NRXN3: variants seen among roughly 807,000 people sequenced by gnomAD.
The protein encoded by NRXN3 is neurexin III.
NRXN3 carries 32 observed loss-of-function variants against 137.6 expected under a neutral mutation model. The ratio of observed to expected loss-of-function variants is 0.23; its 90% CI spans 0.18 to 0.31. The LOEUF is 0.31. NRXN3 is among the 10% of genes least tolerant of loss of function. The pLI is 1.00. For missense variants in NRXN3, 1,574 were observed against 2,062.5 expected (o/e 0.76, Z 4.59); for synonymous variants, 798 against 784.5 (o/e 1.02, Z -0.29).
intron 15 of NRXN3, among the ~76,000 whole-genome samples, chr14:79,208,635 G>A (rs2067157060): frequency 6.6e-6 from 1 of 152,026 alleles, no homozygotes; most frequent in African/African-American, 2.4e-5. Flanking sequence ...TGTTTCAGGT[G>A]TTTTACCTAT....
At chr14:78,987,480 C>T (rs1023616353) in intron 14 of NRXN3, among the ~76,000 whole-genome samples, 2 of 152,072 alleles carry the variant, frequency 1.3e-5, no homozygotes, top group African/African-American at 4.8e-5. Flanking sequence ...CAGTACTCGC[C>T]CCCTAAAAAA....
chr14:78,845,385 G>A lies in NRXN3; in HGVS notation c.2275+35041G>A, dbSNP rs145070143. Among the ~76,000 whole-genome samples, 938 of 152,152 alleles carry A rather than the reference G, an allele frequency of 6.2e-3. 7 individuals carry two copies. The highest frequency in any genetic ancestry group is 0.022 in the African/African-American group (898 of 41,556). ...TGAATAACAACGTAATTTAAGGCATGTTGCAAAACATAAACTTTTAATATA... is the reference window on the plus strand; with the variant it reads ...TGAATAACAACGTAATTTAAGGCATATTGCAAAACATAAACTTTTAATATA... On this transcript the variant is annotated intron_variant, in intron 10 of 20. Coordinates refer to ENST00000335750, the MANE Select transcript of NRXN3 (RefSeq NM_001330195.2).
chr14:78,885,681 A>G (rs1567609986), intron 10 of NRXN3, among the ~76,000 whole-genome samples: 1 of 152,126 alleles, frequency 6.6e-6, no homozygotes, highest in Non-Finnish European at 1.5e-5. Flanking sequence ...AAAGCAAAGA[A>G]TCTTGACAGC....
chr14:78,859,481 A>G (rs773242364), intron 10 of NRXN3, among the ~76,000 whole-genome samples: 7 of 152,168 alleles, frequency 4.6e-5, no homozygotes, highest in Non-Finnish European at 8.8e-5. Flanking sequence ...GTTGACCTGT[A>G]TCTTCTTGAT....
chr14:78,559,329 A>C (rs1383089722), intron 4 of NRXN3, among the ~76,000 whole-genome samples: 1 of 152,134 alleles, frequency 6.6e-6, no homozygotes, highest in Non-Finnish European at 1.5e-5. Flanking sequence ...TGTTTATAAG[A>C]TCTTTCATGT....
chr14:78,659,485 C>A (rs1461276682), intron 6 of NRXN3, among the ~76,000 whole-genome samples: 1 of 151,760 alleles, frequency 6.6e-6, no homozygotes, highest in East Asian at 1.9e-4. Flanking sequence ...TGGAGACCAG[C>A]CTGGTAAACT....
chr14:78,611,213 A>G (rs1199792790), intron 4 of NRXN3, among the ~76,000 whole-genome samples: 1 of 152,190 alleles, frequency 6.6e-6, no homozygotes, highest in Non-Finnish European at 1.5e-5. Context: ...AATGGGCAAT[A>G]ACACACCATT....
intron 15 of NRXN3, chr14:79,279,872 G>A (rs2153440235): frequency 9.9e-7 from 1 of 1,013,808 alleles, no homozygotes; most frequent in Non-Finnish European, 1.2e-6. Context: ...TTGGGTTCGG[G>A]CTGCCTCCTT....
intron 15 of NRXN3, among the ~76,000 whole-genome samples, chr14:79,290,772 C>A (rs188001440): frequency 1.4e-4 from 21 of 152,034 alleles, no homozygotes; most frequent in Admixed American, 1.2e-3. Context: ...CATGAGCAAG[C>A]GGTGATAGGC....
At chr14:78,794,169 G>C (rs113156693) in intron 8 of NRXN3, among the ~76,000 whole-genome samples, 2,066 of 152,028 alleles carry the variant, frequency 0.014, 60 homozygotes, top group African/African-American at 0.048. Flanking sequence ...TCACCCGAGA[G>C]GTCAGGAGTT....
intron 15 of NRXN3, among the ~76,000 whole-genome samples, chr14:79,039,315 A>G (rs2099621306): frequency 6.6e-6 from 1 of 152,144 alleles, no homozygotes; most frequent in Non-Finnish European, 1.5e-5. Context: ...CTCTTTCTGT[A>G]TGTTAATGGA....
At chr14:79,620,826 G>A (rs1430821088) in intron 16 of NRXN3, among the ~76,000 whole-genome samples, 1 of 152,098 alleles carries the variant, frequency 6.6e-6, no homozygotes, top group South Asian at 2.1e-4. Context: ...TCTCATGGAG[G>A]AAATACTTGA....
At chr14:78,237,801 C>T (rs2066513586) in intron 1 of NRXN3, among the ~76,000 whole-genome samples, 1 of 152,134 alleles carries the variant, frequency 6.6e-6, no homozygotes, top group South Asian at 2.1e-4. Context: ...GAGCAGTGAA[C>T]ATGGGGCAAA....
chr14:78,796,317 G>A (rs1016389293), intron 8 of NRXN3, among the ~76,000 whole-genome samples: 25 of 152,308 alleles, frequency 1.6e-4, no homozygotes, highest in African/African-American at 5.3e-4. Flanking sequence ...AGTGTCACTC[G>A]GGTGGAAGTG....
At chr14:79,099,210 C>A (rs2050849910) in intron 15 of NRXN3, among the ~76,000 whole-genome samples, 1 of 152,160 alleles carries the variant, frequency 6.6e-6, no homozygotes, top group Admixed American at 6.6e-5. Context: ...ATGTCACTTG[C>A]AAGTGTATAA....
At chr14:78,937,635 A>G (rs934500435) in intron 10 of NRXN3, among the ~76,000 whole-genome samples, 11 of 152,236 alleles carry the variant, frequency 7.2e-5, no homozygotes, top group African/African-American at 2.4e-4. Context: ...AATTCAAAGG[A>G]TGTTTAATGA....
chr14:79,125,508 C>G (rs2056245131), intron 15 of NRXN3, among the ~76,000 whole-genome samples: 1 of 152,136 alleles, frequency 6.6e-6, no homozygotes, highest in South Asian at 2.1e-4. Flanking sequence ...CATTCTCCTC[C>G]CTTCATGATT....
chr14:78,543,240 C>G (rs1412245337), intron 4 of NRXN3, among the ~76,000 whole-genome samples: 2 of 152,096 alleles, frequency 1.3e-5, no homozygotes, highest in African/African-American at 4.8e-5. Flanking sequence ...TGAATTGATG[C>G]ATTCATGATC....
chr14:78,557,903 C>G (rs772716592), intron 4 of NRXN3, among the ~76,000 whole-genome samples: 1 of 152,222 alleles, frequency 6.6e-6, no homozygotes, highest in South Asian at 2.1e-4. Context: ...CTCTTGTTTA[C>G]TGTACACCCA....
Sources: allele counts gnomAD v4.1 joint callset (sites outside exome capture counted in the v4.1 genomes callset), GRCh38; gene constraint gnomAD v4.1.1; transcripts MANE v1.5; gene names NCBI Gene and HGNC (gene_info 2026-07-23, HGNC 2026-07-21).